FBXW2: variants seen among roughly 807,000 people sequenced by gnomAD.
FBXW2 encodes F-box and WD repeat domain containing 2, also known as F-box/WD repeat-containing protein 2.
FBXW2 carries 12 observed loss-of-function variants against 46.0 expected under a neutral mutation model. The ratio of observed to expected loss-of-function variants is 0.26; its 90% CI spans 0.17 to 0.42. The LOEUF is 0.42. Ranked by LOEUF, FBXW2 falls within the 10% of genes least tolerant of loss-of-function variation. FBXW2 has a pLI of 1.00. For synonymous variants in FBXW2, 203 were observed against 209.6 expected, an observed-to-expected ratio of 0.97 and a Z score of 0.27; for missense variants, 360 against 537.0, an observed-to-expected ratio of 0.67 and a Z score of 3.26.
chr9:120,786,361 C>A (rs1417644496), intron 3 of FBXW2, among the ~76,000 whole-genome samples: 1 of 152,182 alleles, frequency 6.6e-6, no homozygotes, highest in Non-Finnish European at 1.5e-5. Context: ...CACTCACACT[C>A]TCTCTCTCCT....
intron 4 of FBXW2, chr9:120,776,774 T>C (rs1170746001): frequency 6.5e-6 from 1 of 153,206 alleles, no homozygotes; most frequent in Non-Finnish European, 1.5e-5. Context: ...AAAAACAGTG[T>C]AAGCTGTATA....
chr9:120,781,433 G>A (rs1304609630), intron 3 of FBXW2, among the ~76,000 whole-genome samples: 1 of 152,134 alleles, frequency 6.6e-6, no homozygotes, highest in African/African-American at 2.4e-5. Flanking sequence ...CAGTCTGACT[G>A]CGAAATAGTG....
At chr9:120,786,945 TC>T (rs2044735606) in intron 3 of FBXW2, among the ~76,000 whole-genome samples, 1 of 152,206 alleles carries the variant, frequency 6.6e-6, no homozygotes, top group South Asian at 2.1e-4. Flanking sequence ...CTCTCTCTGT[TC>T]CCAGGCCCAA....
At chr9:120,773,670 C>A (rs947723488) in intron 5 of FBXW2, among the ~76,000 whole-genome samples, 1 of 152,212 alleles carries the variant, frequency 6.6e-6, no homozygotes, top group African/African-American at 2.4e-5. Context: ...ATTCAGAAGT[C>A]TGGATTGCAG....
At chr9:120,781,963 C>T (rs144752571) in intron 3 of FBXW2, among the ~76,000 whole-genome samples, 8 of 146,666 alleles carry the variant, frequency 5.5e-5, no homozygotes, top group African/African-American at 2.0e-4. Flanking sequence ...GCGGAGGTTG[C>T]GGTGAGCCAA....
intron 3 of FBXW2, among the ~76,000 whole-genome samples, chr9:120,781,075 C>A (rs1442899719): frequency 1.3e-5 from 2 of 151,332 alleles, no homozygotes; most frequent in African/African-American, 4.9e-5. Flanking sequence ...TAATTTAAAC[C>A]TAAGGATGAA....
At chr9:120,780,576 G>GT (rs2044590104) in intron 3 of FBXW2, among the ~76,000 whole-genome samples, 1 of 152,138 alleles carries the variant, frequency 6.6e-6, no homozygotes, top group South Asian at 2.1e-4. Context: ...ACCGGAGAGC[G>GT]TAAGCCTAGA....
chr9:120,775,286 C>T (rs896903777), intron 5 of FBXW2, among the ~76,000 whole-genome samples: 4 of 152,174 alleles, frequency 2.6e-5, no homozygotes, highest in South Asian at 4.1e-4. Context: ...TCAGGTGATC[C>T]GCCCGCCTTG....
At position 120,776,141 on chromosome 9, in the gene FBXW2, A is replaced by C. The variant is rs749994201; in HGVS notation, c.771T>G (p.Ala257=). 6.2e-7 allele frequency: 1 copy of C among 1,614,210 alleles called. No individual in the cohort carries two copies. Among genetic ancestry groups the C allele is most frequent in the Non-Finnish European group, 8.5e-7 (1 of 1,180,038 alleles). ...DFTVKVWALS[A]GTCLNTLTGH... ...CGGTGAGTGTGTTCAGGCATGTCCC[A>C]GCAGATAAAGCCCATACTTTCACAG... The change falls in exon 5 of 8, where the codon GCT becomes GCG. Residue 257 remains alanine (A), a synonymous_variant. Transcript: ENST00000608872.
chr9:120,776,314 T>C (rs1006965633), intron 4 of FBXW2, 88 bp from the exon 5 acceptor site: 4 of 1,448,258 alleles, frequency 2.8e-6, no homozygotes, highest in Non-Finnish European at 3.7e-6. Context: ...TTTCCCCAAT[T>C]ATATAATTTC....
At chr9:120,780,389 T>C (rs1036146490) in intron 3 of FBXW2, among the ~76,000 whole-genome samples, 1 of 151,836 alleles carries the variant, frequency 6.6e-6, no homozygotes, top group African/African-American at 2.4e-5. Context: ...GTTAAAATAA[T>C]TAAATGTGTT....
rs1293441847 is a variant in FBXW2 at position 120,759,989 on chromosome 9, GGGGAACC to G, written c.*4563_*4569del. ...AAGTTTACTTTCCTAGAGCAGGCAT[GGGGAACC>G]TTTGATCAGAAACACTGCCAAAGAT... On this transcript the variant is annotated 3_prime_UTR_variant, in exon 8 of 8. Coordinates refer to ENST00000608872, the MANE Select transcript of FBXW2 (RefSeq NM_012164.4). 1.3e-5 allele frequency: 2 copies of G among 152,248 alleles called. No homozygotes were observed. Among genetic ancestry groups the G allele is most frequent in the African/African-American group, 4.8e-5 (2 of 41,464 alleles). 9.4% of individuals were successfully genotyped at this position (152,248 alleles called of 1,614,324 possible). A position where few individuals can be genotyped will look rare whatever the true frequency, so the allele number is the denominator to read the frequency against.
intron 3 of FBXW2, among the ~76,000 whole-genome samples, chr9:120,782,386 A>G (rs2044634103): frequency 1.3e-5 from 2 of 151,974 alleles, no homozygotes; most frequent in African/African-American, 4.8e-5. Context: ...TAATCGCTTG[A>G]ACCTGGGAGG....
At chr9:120,793,096 T>C (rs550883020) in intron 2 of FBXW2, 53 bp downstream of exon 2, 1 of 761,914 alleles carries the variant, frequency 1.3e-6, no homozygotes, top group African/African-American at 1.7e-5. Context: ...CATCAACCCA[T>C]TCGTTGCTCC....
At chr9:120,779,763 AT>A (rs2044570909) in intron 3 of FBXW2, among the ~76,000 whole-genome samples, 1 of 152,222 alleles carries the variant, frequency 6.6e-6, no homozygotes, top group South Asian at 2.1e-4. Flanking sequence ...CATCAGCAAT[AT>A]TTTGAGAGCC....
intron 7 of FBXW2, among the ~76,000 whole-genome samples, chr9:120,767,283 G>A (rs2044293331): frequency 6.6e-6 from 1 of 152,110 alleles, no homozygotes; most frequent in Admixed American, 6.6e-5. Flanking sequence ...ACAGGTGCTG[G>A]CCCCTGCTTG....
chr9:120,768,655 T>G (rs2044317696), intron 7 of FBXW2, among the ~76,000 whole-genome samples: 1 of 152,040 alleles, frequency 6.6e-6, no homozygotes, highest in South Asian at 2.1e-4. Context: ...ACCCCATCGC[T>G]ACTAAAAATA....
At chr9:120,771,132 C>T (rs1056260731) in intron 7 of FBXW2, among the ~76,000 whole-genome samples, 6 of 152,184 alleles carry the variant, frequency 3.9e-5, no homozygotes, top group South Asian at 2.1e-4. Flanking sequence ...AGGCAGCGGA[C>T]GTTCCAGTAC....
At chr9:120,783,261 CT>C (rs901918294) in intron 3 of FBXW2, among the ~76,000 whole-genome samples, 1 of 152,152 alleles carries the variant, frequency 6.6e-6, no homozygotes, top group African/African-American at 2.4e-5. Flanking sequence ...TTAGGAATCA[CT>C]GTTCTCTGCT....
Sources: allele counts gnomAD v4.1 joint callset (sites outside exome capture counted in the v4.1 genomes callset), GRCh38; gene constraint gnomAD v4.1.1; transcripts MANE v1.5; gene names NCBI Gene and HGNC (gene_info 2026-07-23, HGNC 2026-07-21).